Variants in SEMA5B observed in about 807,000 individuals in gnomAD.
SEMA5B encodes semaphorin 5B.
In SEMA5B, 66 loss-of-function variants were observed where a neutral mutation model predicts 135.0. The observed-to-expected ratio is 0.49, with a 90% CI of 0.40 to 0.60. SEMA5B has a LOEUF of 0.60. Ranked by LOEUF, SEMA5B falls within the 20% of genes least tolerant of loss-of-function variation. The probability of loss-of-function intolerance (pLI) is 0.00; values close to 1 mark genes in which losing one functional copy is unlikely to be tolerated. For synonymous variants in SEMA5B, 690 were observed against 639.5 expected (o/e 1.08, Z -1.19); for missense variants, 1,501 against 1,566.3 (o/e 0.96, Z 0.70).
intron 1 of SEMA5B, among the ~76,000 whole-genome samples, chr3:123,021,773 C>G (rs1004539973): frequency 2.6e-5 from 4 of 152,224 alleles, no homozygotes; most frequent in Non-Finnish European, 5.9e-5. Context: ...CGGTAACACA[C>G]AGATTTGGAA....
At chr3:122,939,647 G>A (rs994008422) in intron 4 of SEMA5B, among the ~76,000 whole-genome samples, 177 bp from the exon 5 acceptor site, 3 of 152,160 alleles carry the variant, frequency 2.0e-5, no homozygotes, top group Non-Finnish European at 2.9e-5. Flanking sequence ...AACCCTGGGA[G>A]GAAATCCAGG....
chr3:123,000,277 A>G (rs60426479), intron 1 of SEMA5B, among the ~76,000 whole-genome samples: 10,156 of 152,196 alleles, frequency 0.067, 413 homozygotes, highest in East Asian at 0.16. Flanking sequence ...AGGGCAGGAG[A>G]GAGGAGCTGG....
chr3:122,997,590 A>C (rs1006389188), intron 1 of SEMA5B, among the ~76,000 whole-genome samples: 1 of 151,058 alleles, frequency 6.6e-6, no homozygotes, highest in African/African-American at 2.4e-5. Context: ...TTCTTAAGTC[A>C]TCCTGATTTT....
intron 5 of SEMA5B, among the ~76,000 whole-genome samples, chr3:122,929,270 C>T (rs1201405037): frequency 6.6e-6 from 1 of 152,206 alleles, no homozygotes; most frequent in Non-Finnish European, 1.5e-5. Flanking sequence ...GGTGGGCACC[C>T]TCAGCCCAAC....
At chr3:122,989,041 A>T (rs898663604) in intron 1 of SEMA5B, among the ~76,000 whole-genome samples, 1 of 152,168 alleles carries the variant, frequency 6.6e-6, no homozygotes, top group Non-Finnish European at 1.5e-5. Context: ...CACAGTATGG[A>T]CAGAAGTCCC....
intron 1 of SEMA5B, among the ~76,000 whole-genome samples, chr3:123,002,614 G>A (rs748476858): frequency 6.6e-5 from 10 of 152,228 alleles, no homozygotes; most frequent in East Asian, 3.8e-4. Context: ...GGAGGGAGCC[G>A]TGGGAGGCAG....
At chr3:122,976,185 C>T in intron 1 of SEMA5B, 1 of 1,514,674 alleles carries the variant, frequency 6.6e-7, no homozygotes. Flanking sequence ...GCAAGAAGTG[C>T]TTCTCAAAAT....
At chr3:123,021,315 G>A (rs1295594289) in intron 1 of SEMA5B, among the ~76,000 whole-genome samples, 1 of 152,190 alleles carries the variant, frequency 6.6e-6, no homozygotes, top group Admixed American at 6.5e-5. Flanking sequence ...AGTGGATGAG[G>A]CCTCTCAGAG....
chr3:122,922,272 T>A lies in SEMA5B; in HGVS notation c.1448A>T (p.Asp483Val). ...AATGTAGAGTACATGGTAGAGCGTG[T>A]CTTTAGCCTGCACCAGGTCCACCAC... is the stretch of plus-strand genomic sequence containing the variant. The part of the protein sequence containing the change: ...HLVVDLVQAK[D>V]TLYHVLYIGT... The change falls in exon 11 of 23, where the codon GAC becomes GTC. Residue 483 changes from aspartate (D) to valine (V), a missense_variant. Transcript: ENST00000357599. 6.2e-7 allele frequency: 1 copy of A among 1,613,974 alleles called. No homozygotes were observed. Among genetic ancestry groups the A allele is most frequent in the Non-Finnish European group, 8.5e-7 (1 of 1,179,910 alleles).
intron 1 of SEMA5B, among the ~76,000 whole-genome samples, chr3:122,995,161 T>C (rs1941995813): frequency 6.6e-6 from 1 of 152,134 alleles, no homozygotes; most frequent in Admixed American, 6.5e-5. Context: ...GGAGGGACCC[T>C]GTGAGAAGCA....
intron 1 of SEMA5B, among the ~76,000 whole-genome samples, chr3:123,006,835 C>G (rs952713266): frequency 2.0e-5 from 3 of 152,162 alleles, no homozygotes; most frequent in African/African-American, 7.2e-5. Flanking sequence ...ACCACCACCC[C>G]CATTCTCAGA....
chr3:122,913,147 C>G (rs759705123), intron 17 of SEMA5B, 52 bp downstream of exon 17: 2 of 1,460,778 alleles, frequency 1.4e-6, no homozygotes, highest in Non-Finnish European at 1.8e-6. Flanking sequence ...CCCCCGCCCT[C>G]ACCGCTCCGG....
chr3:122,952,633 GGAACA>G (rs925287074), intron 2 of SEMA5B, among the ~76,000 whole-genome samples: 5 of 152,224 alleles, frequency 3.3e-5, no homozygotes, highest in African/African-American at 1.2e-4. Flanking sequence ...TGGGGAAAGA[GGAACA>G]GGGACTGGAG....
In SEMA5B at chr3:122,912,247, C is replaced by A; in HGVS notation, c.2821G>T (p.Ala941Ser). The A allele has an allele frequency of 1.2e-6, 2 of 1,611,568 alleles. No individual in the cohort carries two copies. The highest frequency in any genetic ancestry group is 2.2e-5 in the South Asian group (2 of 90,576). Residue 941 changes from alanine (A) to serine (S), a missense_variant, in exon 19 of 23, where the codon GCA becomes TCA. Physicochemically the swap from Ala to Ser is moderately conservative, Grantham distance 99. Around this residue, in one of 2 missense-constraint regions of SEMA5B, gnomAD observed 927 missense variants for 881.6 expected, o/e 1.05. Transcript: ENST00000357599. The stretch of plus-strand genomic sequence containing the variant: ...CAGATGTCCTCACCTGGGGAGGGTG[C>A]GGGGCTGGTGCAGGAACGGGTGCGT... Reference protein sequence around the residue: ...YQRTRSCTSPAPSPGEDICLG... With the variant: ...YQRTRSCTSPSPSPGEDICLG...
At chr3:122,949,382 G>A (rs1271229530) in intron 2 of SEMA5B, among the ~76,000 whole-genome samples, 1 of 152,212 alleles carries the variant, frequency 6.6e-6, no homozygotes, top group East Asian at 1.9e-4. Context: ...ATAAAGAACT[G>A]AAACTGCCTT....
At chr3:123,018,803 T>C (rs1942615791) in intron 1 of SEMA5B, among the ~76,000 whole-genome samples, 1 of 152,170 alleles carries the variant, frequency 6.6e-6, no homozygotes, top group Non-Finnish European at 1.5e-5. Context: ...CTGACAGCCT[T>C]ATATTCCATA....
rs146558231 is a variant in SEMA5B at position 122,959,971 on chromosome 3, C to T, written c.124+1169G>A. Among the ~76,000 whole-genome samples, 18 of 152,324 alleles carry T rather than the reference C, an allele frequency of 1.2e-4. No homozygotes were observed. In the East Asian group the frequency reaches 1.7e-3, roughly 15 times the overall value. On this transcript the variant is annotated intron_variant, in intron 2 of 22. Coordinates refer to ENST00000357599, the MANE Select transcript of SEMA5B (RefSeq NM_001031702.4). ...ATTAAATGCTAAGGATGTCGCCAGA[C>T]GCAAATCAAGCTTATCTATTCATTA...
intron 8 of SEMA5B, among the ~76,000 whole-genome samples, chr3:122,927,250 G>A (rs1179756089): frequency 6.6e-6 from 1 of 152,148 alleles, no homozygotes; most frequent in Non-Finnish European, 1.5e-5. Flanking sequence ...TCAGGGATGC[G>A]ATCATAGCTC....
chr3:122,913,386 C>G lies in SEMA5B; in HGVS notation c.2319G>C (p.Val773=). ...ACGGCGTCCAGGGGGTGTTGCGCCGCACTTCGGGGCAGCCCTCGGGGTTGC... is the reference window on the plus strand; with the variant it reads ...ACGGCGTCCAGGGGGTGTTGCGCCGGACTTCGGGGCAGCCCTCGGGGTTGC... ...KTCNPEGCPE[V]RRNTPWTPWL... The change falls in exon 17 of 23, where the codon GTG becomes GTC. Residue 773 remains valine (V), a synonymous_variant. Coordinates refer to ENST00000357599, the MANE Select transcript of SEMA5B (RefSeq NM_001031702.4). 6.3e-7 allele frequency: 1 copy of G among 1,578,290 alleles called. No homozygotes were observed. Among genetic ancestry groups the G allele is most frequent in the Non-Finnish European group, 8.6e-7 (1 of 1,166,974 alleles).
Sources: allele counts gnomAD v4.1 joint callset (sites outside exome capture counted in the v4.1 genomes callset), GRCh38; gene constraint gnomAD v4.1.1; regional missense constraint gnomAD v4.1.1; transcripts MANE v1.5; gene names NCBI Gene and HGNC (gene_info 2026-07-23, HGNC 2026-07-21).